The following FILIP1 variants were observed in gnomAD, a reference collection of about 807,000 sequenced individuals.
FILIP1 encodes filamin A interacting protein 1.
A neutral mutation model predicts 102.1 loss-of-function variants in FILIP1; 61 were observed. The observed-to-expected ratio is 0.60, with a 90% CI of 0.49 to 0.74. The LOEUF is 0.74. Ranked by LOEUF, FILIP1 falls within the 30% of genes least tolerant of loss-of-function variation. FILIP1 has a pLI of 0.00. For missense variants in FILIP1, 1,314 were observed against 1,441.2 expected (o/e 0.91, Z 1.43); for synonymous variants, 491 against 526.9 (o/e 0.93, Z 0.93).
chr6:75,425,827 T>C (rs1777608356), intron 1 of FILIP1, among the ~76,000 whole-genome samples: 1 of 152,170 alleles, frequency 6.6e-6, no homozygotes, highest in South Asian at 2.1e-4. Flanking sequence ...ACTAGAAATA[T>C]TAAGGCAAGA....
At chr6:75,489,737 T>C (rs889862161) in intron 1 of FILIP1, among the ~76,000 whole-genome samples, 3 of 152,048 alleles carry the variant, frequency 2.0e-5, no homozygotes, top group African/African-American at 7.2e-5. Context: ...TCCATGAACA[T>C]CTTCTGGTTA....
chr6:75,314,909 G>A lies in FILIP1; in HGVS notation c.923C>T (p.Ser308Leu), dbSNP rs371050880. 9.0e-5 allele frequency: 146 copies of A among 1,614,066 alleles called. No individual in the cohort carries two copies. The highest frequency in any genetic ancestry group is 6.6e-4 in the Middle Eastern group (4 of 6,062). The change falls in exon 5 of 6, where the codon TCG becomes TTG. Residue 308 changes from serine (S) to leucine (L), a missense_variant. Physicochemically the swap from Ser to Leu is moderately radical, Grantham distance 145 (BLOSUM62 -2). Around this residue, in one of 3 missense-constraint regions of FILIP1, gnomAD observed 494 missense variants for 511.2 expected, o/e 0.97. Transcript: ENST00000237172. ...CTCTTCATGCTCTTGAGAAAACCTC[G>A]AAGCCTTGTGTTCAAAGTCCACTTC... The part of the protein sequence containing the change: ...KLEVDFEHKA[S>L]RFSQEHEEMN...
intron 4 of FILIP1, among the ~76,000 whole-genome samples, chr6:75,330,476 T>G (rs1211709510): frequency 6.6e-6 from 1 of 152,036 alleles, no homozygotes; most frequent in Non-Finnish European, 1.5e-5. Context: ...CCTAGCCCAG[T>G]GCAGGAAGGC....
intron 2 of FILIP1, among the ~76,000 whole-genome samples, chr6:75,404,061 G>A (rs1416302116): frequency 6.6e-6 from 1 of 151,962 alleles, no homozygotes; most frequent in Non-Finnish European, 1.5e-5. Flanking sequence ...CCACTCCCAG[G>A]ACCGCACCCA....
chr6:75,479,495 A>C (rs1414582975), intron 1 of FILIP1, among the ~76,000 whole-genome samples: 1 of 152,166 alleles, frequency 6.6e-6, no homozygotes, highest in African/African-American at 2.4e-5. Flanking sequence ...AGTAAGGTTA[A>C]ATAGTTTTTC....
At chr6:75,423,359 C>T (rs927998345) in intron 1 of FILIP1, among the ~76,000 whole-genome samples, 6 of 152,078 alleles carry the variant, frequency 3.9e-5, no homozygotes, top group Non-Finnish European at 5.9e-5. Flanking sequence ...GAACATTTCT[C>T]GACCTGATTG....
intron 4 of FILIP1, among the ~76,000 whole-genome samples, chr6:75,331,985 A>T (rs1350650608): frequency 1.3e-5 from 2 of 152,216 alleles, no homozygotes; most frequent in Non-Finnish European, 2.9e-5. Context: ...TGAGGATATA[A>T]GGAAAAGACA....
chr6:75,386,982 A>C (rs1259420022), intron 2 of FILIP1, among the ~76,000 whole-genome samples: 2 of 151,332 alleles, frequency 1.3e-5, no homozygotes, highest in Non-Finnish European at 2.9e-5. Flanking sequence ...GCCTAATGCT[A>C]TCCTCCCTTT....
chr6:75,385,946 C>T (rs1329530437), intron 2 of FILIP1, among the ~76,000 whole-genome samples: 7 of 151,366 alleles, frequency 4.6e-5, no homozygotes, highest in African/African-American at 1.7e-4. Flanking sequence ...TATAATGTTT[C>T]CAATGTATCT....
chr6:75,308,963 A>T, intron 5 of FILIP1, 66 bp from the exon 6 acceptor site: 1 of 1,559,794 alleles, frequency 6.4e-7, no homozygotes, highest in Non-Finnish European at 8.8e-7. Context: ...TATGCCATCA[A>T]TCTGAACATT....
chr6:75,456,682 C>A (rs1778840366), intron 1 of FILIP1, among the ~76,000 whole-genome samples: 1 of 151,738 alleles, frequency 6.6e-6, no homozygotes, highest in Non-Finnish European at 1.5e-5. Context: ...GCCTCAGCAT[C>A]CTGAGTAACT....
In FILIP1 at chr6:75,319,987, T is replaced by A. The variant is rs1773593542; in HGVS notation, c.630-4785A>T. The A allele has an allele frequency of 8.6e-6, 3 of 347,960 alleles. No homozygotes were observed. In the South Asian group the frequency reaches 1.3e-4, roughly 15 times the overall value. The allele number at this position is 347,960 out of a possible 1,614,324, so 21.6% of individuals were successfully genotyped here. ...TAGGATCTCCATTGCCCATGTTTAG[T>A]TATTTTTCTTCAGCAAGGCAGAGTC... On this transcript the variant is annotated intron_variant, in intron 4 of 5. Transcript: ENST00000237172.
intron 2 of FILIP1, among the ~76,000 whole-genome samples, chr6:75,373,989 TCAAAA>T (rs1291687163): frequency 6.6e-6 from 1 of 152,142 alleles, no homozygotes; most frequent in African/African-American, 2.4e-5. Flanking sequence ...AAACCCCATC[TCAAAA>T]CAAAACAAAA....
At chr6:75,404,729 C>G (rs1217442848) in intron 2 of FILIP1, among the ~76,000 whole-genome samples, 1 of 152,180 alleles carries the variant, frequency 6.6e-6, no homozygotes, top group Non-Finnish European at 1.5e-5. Flanking sequence ...GCCCGCCCCT[C>G]AGCTGCAAAT....
intron 1 of FILIP1, among the ~76,000 whole-genome samples, chr6:75,439,835 G>A (rs1381595085): frequency 1.3e-5 from 2 of 152,160 alleles, no homozygotes; most frequent in African/African-American, 4.8e-5. Flanking sequence ...TTAGGCCATT[G>A]TTAAGAAGTA....
intron 2 of FILIP1, among the ~76,000 whole-genome samples, chr6:75,400,713 A>G (rs1776627551): frequency 6.6e-6 from 1 of 152,028 alleles, no homozygotes; most frequent in Non-Finnish European, 1.5e-5. Context: ...AGGCCATGGG[A>G]GATTCAGGGA....
intron 2 of FILIP1, among the ~76,000 whole-genome samples, chr6:75,375,350 A>C (rs1001621301): frequency 1.3e-5 from 2 of 152,186 alleles, no homozygotes; most frequent in African/African-American, 2.4e-5. Flanking sequence ...GTAGACAACA[A>C]CTGGCATAAA....
rs9447469 is a variant in FILIP1, at chr6:75,347,440, A to T, written c.629+6099T>A. On this transcript the variant is annotated intron_variant, in intron 4 of 5. Transcript: ENST00000237172. ...CAGTTGTTTTCTGCTGTTATGTTCC[A>T]CATATGGATTACTTTCTGCTTGTTA... Among the ~76,000 whole-genome samples, 1,282 of 152,330 alleles carry T rather than the reference A, an allele frequency of 8.4e-3. 25 individuals are homozygous for T. The highest frequency in any genetic ancestry group is 0.029 in the African/African-American group (1,194 of 41,572).
At chr6:75,409,961 A>T (rs1777005909) in intron 2 of FILIP1, among the ~76,000 whole-genome samples, 1 of 152,114 alleles carries the variant, frequency 6.6e-6, no homozygotes, top group African/African-American at 2.4e-5. Context: ...TATCCATAAG[A>T]CCTTAGCCCC....
Sources: gnomAD v4.1 joint callset for allele counts (sites outside exome capture counted in the v4.1 genomes callset) on GRCh38, gnomAD v4.1.1 for gene constraint, gnomAD v4.1.1 regional missense constraint, MANE v1.5 for transcripts, NCBI Gene and HGNC (gene_info 2026-07-23, HGNC 2026-07-21) for gene names.